The following NAALADL2 variants were observed in gnomAD, a reference collection of about 807,000 sequenced individuals.
The protein encoded by NAALADL2 is inactive N-acetylated-alpha-linked acidic dipeptidase-like protein 2.
In NAALADL2, 76 loss-of-function variants were observed where a neutral mutation model predicts 87.2. That is an observed-to-expected ratio of 0.87 (90% CI 0.72 to 1.05). The LOEUF is 1.05. Ranked by LOEUF, NAALADL2 falls within the 50% of genes least tolerant of loss-of-function variation. The pLI, the probability that NAALADL2 is intolerant of heterozygous loss-of-function variation, is 0.00. For synonymous variants in NAALADL2, 354 were observed against 331.0 expected, an observed-to-expected ratio of 1.07 and a Z score of -0.75; for missense variants, 1,089 against 945.8, an observed-to-expected ratio of 1.15 and a Z score of -1.99.
chr3:175,752,169 CA>C (rs1258628449), intron 12 of NAALADL2, among the ~76,000 whole-genome samples: 1 of 151,988 alleles, frequency 6.6e-6, no homozygotes, highest in African/African-American at 2.4e-5. Flanking sequence ...TCTGGGAATA[CA>C]AAGAGAAATA....
chr3:175,587,696 C>T (rs1228020137), intron 10 of NAALADL2, among the ~76,000 whole-genome samples: 2 of 152,090 alleles, frequency 1.3e-5, no homozygotes, highest in Non-Finnish European at 2.9e-5. Flanking sequence ...AGAGGAAGTA[C>T]TGGTCCCCAA....
chr3:175,764,272 A>T (rs1252061092), intron 13 of NAALADL2, among the ~76,000 whole-genome samples: 2 of 152,058 alleles, frequency 1.3e-5, no homozygotes, highest in African/African-American at 2.4e-5. Flanking sequence ...CTATCTCAGT[A>T]ACTACACTTA....
chr3:175,440,289 C>A (rs990902363), intron 5 of NAALADL2, among the ~76,000 whole-genome samples: 8 of 152,084 alleles, frequency 5.3e-5, no homozygotes, highest in African/African-American at 1.9e-4. Context: ...TGACTATGGC[C>A]TTATAGCATA....
At chr3:174,874,857 G>A (rs966912697) in intron 1 of NAALADL2, among the ~76,000 whole-genome samples, 4 of 151,856 alleles carry the variant, frequency 2.6e-5, no homozygotes, top group Admixed American at 6.6e-5. Context: ...TGCTCACACC[G>A]CTAATCCTAG....
chr3:175,505,993 A>T (rs1730259527), intron 9 of NAALADL2, among the ~76,000 whole-genome samples: 1 of 152,122 alleles, frequency 6.6e-6, no homozygotes, highest in Non-Finnish European at 1.5e-5. Context: ...CAAGGTCTTG[A>T]GCAGACCTCA....
At chr3:175,188,734 G>A (rs1737708585) in intron 2 of NAALADL2, among the ~76,000 whole-genome samples, 1 of 151,986 alleles carries the variant, frequency 6.6e-6, no homozygotes, top group South Asian at 2.1e-4. Flanking sequence ...CCATTCCTTG[G>A]TACTTAATCC....
At chr3:175,196,309 A>T (rs1330114571) in intron 2 of NAALADL2, among the ~76,000 whole-genome samples, 1 of 151,900 alleles carries the variant, frequency 6.6e-6, no homozygotes, top group Non-Finnish European at 1.5e-5. Context: ...ATCCTGGTGC[A>T]TACCTCTGTT....
chr3:175,475,248 A>G (rs1434561898), intron 9 of NAALADL2, among the ~76,000 whole-genome samples: 1 of 152,080 alleles, frequency 6.6e-6, no homozygotes, highest in Non-Finnish European at 1.5e-5. Context: ...TTGACTCCTT[A>G]AATGTACAAA....
chr3:175,672,952 A>G (rs1375685168), intron 11 of NAALADL2, among the ~76,000 whole-genome samples: 3 of 151,972 alleles, frequency 2.0e-5, no homozygotes, highest in Non-Finnish European at 4.4e-5. Flanking sequence ...AAGATTTATC[A>G]TCTTAGATGT....
chr3:175,045,695 G>A (rs1341014538), intron 1 of NAALADL2, among the ~76,000 whole-genome samples: 1 of 152,132 alleles, frequency 6.6e-6, no homozygotes, highest in Non-Finnish European at 1.5e-5. Flanking sequence ...GGGTGGCAAG[G>A]ATGAGCCCAG....
At position 174,873,124 on chromosome 3, in the gene NAALADL2, G is replaced by A. The variant is rs562412897; in HGVS notation, c.43+13674G>A. Among the ~76,000 whole-genome samples the A allele has an allele frequency of 5.9e-5, 9 of 152,066 alleles. No homozygotes were observed. In the South Asian group the frequency reaches 1.9e-3, roughly 32 times the overall value. ...ATGTAATTCCCTAATAGTGGCTCTA[G>A]ATGTAATGGTTTGCATTAATCTATT... On this transcript the variant is annotated intron_variant, in intron 1 of 13. Transcript: ENST00000454872.
intron 2 of NAALADL2, among the ~76,000 whole-genome samples, chr3:174,656,726 T>TC (rs1298263848): frequency 4.6e-5 from 7 of 152,156 alleles, no homozygotes; most frequent in Admixed American, 4.6e-4. Context: ...CATTTGATTT[T>TC]CTCTCCTCTG....
Position 174,461,453 on chromosome 3 carries a change from C to G in NAALADL2, c.-184+20421C>G, listed in dbSNP as rs1716209179. Among the ~76,000 whole-genome samples, 4 of 127,478 alleles carry G rather than the reference C, an allele frequency of 3.1e-5. No homozygotes were observed. In the South Asian group the frequency reaches 1.2e-3, roughly 37 times the overall value. 83.6% of individuals were successfully genotyped at this position (127,478 alleles called of 152,430 possible). A position where few individuals can be genotyped will look rare whatever the true frequency, so the allele number is the denominator to read the frequency against. On this transcript the variant is annotated intron_variant, in intron 1 of 3. Coordinates refer to the NAALADL2 transcript ENST00000434257. The stretch of plus-strand genomic sequence containing the variant: ...GTGGGTAAGACTGTGGAACAAAATG[C>G]TTGCACCTTTATCCCCCTTGAATGC...
intron 1 of NAALADL2, among the ~76,000 whole-genome samples, chr3:175,025,749 A>G (rs574951113): frequency 5.9e-5 from 9 of 152,236 alleles, no homozygotes; most frequent in Non-Finnish European, 1.2e-4. Flanking sequence ...ACAAATATGT[A>G]TTCACCATCC....
chr3:174,815,565 A>G (rs1014440638), intron 3 of NAALADL2, among the ~76,000 whole-genome samples: 1 of 152,176 alleles, frequency 6.6e-6, no homozygotes, highest in Non-Finnish European at 1.5e-5. Flanking sequence ...AGTAGCTAGG[A>G]CTACAGAAGC....
intron 2 of NAALADL2, among the ~76,000 whole-genome samples, chr3:174,564,839 C>CT (rs920130184): frequency 4.7e-5 from 7 of 150,520 alleles, no homozygotes; most frequent in South Asian, 2.1e-4. Context: ...CTTTATATAT[C>CT]TTTTTTTTTC....
chr3:175,149,294 C>A (rs1731206747), intron 2 of NAALADL2, among the ~76,000 whole-genome samples: 1 of 152,064 alleles, frequency 6.6e-6, no homozygotes, highest in South Asian at 2.1e-4. Context: ...TTGTGATTGT[C>A]AACTTTTAAT....
At chr3:174,930,748 A>T (rs1032394343) in intron 1 of NAALADL2, among the ~76,000 whole-genome samples, 2 of 150,182 alleles carry the variant, frequency 1.3e-5, no homozygotes, top group African/African-American at 4.9e-5. Context: ...CAGCCTCCCA[A>T]ATAGCTGGGA....
chr3:174,653,582 CAG>C (rs754176691), intron 2 of NAALADL2, among the ~76,000 whole-genome samples: 1 of 152,014 alleles, frequency 6.6e-6, no homozygotes, highest in African/African-American at 2.4e-5. Context: ...GATTTTAGCA[CAG>C]AGGTAATTTT....
Sources: gnomAD v4.1 joint callset for allele counts (sites outside exome capture counted in the v4.1 genomes callset) on GRCh38, gnomAD v4.1.1 for gene constraint, MANE v1.5 for transcripts, NCBI Gene and HGNC (gene_info 2026-07-23, HGNC 2026-07-21) for gene names.